Variants in SLC16A7 observed in about 807,000 individuals in gnomAD.
SLC16A7 encodes the protein monocarboxylate transporter 2.
A neutral mutation model predicts 34.9 loss-of-function variants in SLC16A7; 33 were observed. That is an observed-to-expected ratio of 0.94 (90% CI 0.72 to 1.26). The LOEUF (loss-of-function observed/expected upper bound fraction) is 1.26, where lower values mean the gene tolerates loss of function less well. Ranked by LOEUF, SLC16A7 falls within the 50% of genes most tolerant of loss-of-function variation. SLC16A7 has a pLI of 0.00. For synonymous variants in SLC16A7, 201 were observed against 206.6 expected (o/e 0.97, Z 0.23); for missense variants, 573 against 578.1 (o/e 0.99, Z 0.09).
intron 1 of SLC16A7, among the ~76,000 whole-genome samples, chr12:59,613,980 T>A (rs375800985): frequency 7.9e-5 from 12 of 152,098 alleles, no homozygotes; most frequent in African/African-American, 2.9e-4. Context: ...TGAAACAAAT[T>A]TGATATACAA....
intron 1 of SLC16A7, among the ~76,000 whole-genome samples, chr12:59,651,256 A>C (rs932041375): frequency 1.8e-4 from 27 of 152,200 alleles, no homozygotes; most frequent in Admixed American, 1.8e-3. Context: ...TATAACAAAG[A>C]AGTGAGAACA....
chr12:59,596,035 C>T lies in SLC16A7; in HGVS notation c.-331C>T, dbSNP rs1878373992. On this transcript the variant is annotated 5_prime_UTR_variant, in exon 1 of 6. Transcript: ENST00000547379. The surrounding 1 kb of genome is among the most constrained non-coding windows in gnomAD (Gnocchi z 5.0). ...GCCCCCACCCCTGGCGCGCGCTCCT[C>T]CGCACCCACAAGGGCGTTCAGCAGC... The T allele has an allele frequency of 6.6e-6, 1 of 151,330 alleles. No homozygotes were observed. The highest frequency in any genetic ancestry group is 2.4e-5 in the African/African-American group (1 of 41,150). The allele number at this position is 151,330 out of a possible 1,614,324, so 9.4% of individuals were successfully genotyped here. A position where few individuals can be genotyped will look rare whatever the true frequency, so the allele number is the denominator to read the frequency against.
chr12:59,762,821 T>C (rs138990403), intron 3 of SLC16A7, among the ~76,000 whole-genome samples: 223 of 118,542 alleles, frequency 1.9e-3, no homozygotes, highest in African/African-American at 6.0e-3. Context: ...CACATCTTTC[T>C]CAAAAAAAAA....
At chr12:59,647,550 A>G (rs1395023542) in intron 1 of SLC16A7, among the ~76,000 whole-genome samples, 2 of 152,148 alleles carry the variant, frequency 1.3e-5, no homozygotes, top group Non-Finnish European at 2.9e-5. Context: ...GCAACTTGAG[A>G]ATGTACTAAT....
intron 3 of SLC16A7, among the ~76,000 whole-genome samples, chr12:59,751,176 C>T (rs187704090): frequency 1.3e-4 from 20 of 152,184 alleles, no homozygotes; most frequent in South Asian, 6.2e-4. Flanking sequence ...TCGTGAGCGA[C>T]GCAGAAGACG....
intron 3 of SLC16A7, among the ~76,000 whole-genome samples, chr12:59,750,820 T>C (rs886927607): frequency 6.6e-6 from 1 of 152,044 alleles, no homozygotes; most frequent in Non-Finnish European, 1.5e-5. Flanking sequence ...CAAATGCCCA[T>C]CAATGATAGA....
chr12:59,677,879 T>C (rs1402470439), intron 2 of SLC16A7, among the ~76,000 whole-genome samples: 3 of 152,252 alleles, frequency 2.0e-5, no homozygotes, highest in African/African-American at 7.2e-5. Context: ...TACAGGATCC[T>C]TGGGTGTCAC....
chr12:59,701,801 A>G (rs1043559658), intron 2 of SLC16A7, among the ~76,000 whole-genome samples: 1 of 151,812 alleles, frequency 6.6e-6, no homozygotes, highest in Non-Finnish European at 1.5e-5. Context: ...TATGGGTTTA[A>G]GATTACTTAG....
intron 1 of SLC16A7, among the ~76,000 whole-genome samples, chr12:59,597,537 C>T (rs1412709684): frequency 6.6e-6 from 1 of 152,130 alleles, no homozygotes; most frequent in Non-Finnish European, 1.5e-5. Context: ...GACAGGTTAG[C>T]TTGAATGTGT....
intron 1 of SLC16A7, among the ~76,000 whole-genome samples, chr12:59,634,179 TG>T (rs1880314704): frequency 6.6e-6 from 1 of 152,066 alleles, no homozygotes; most frequent in African/African-American, 2.4e-5. Flanking sequence ...TGCCTGTAGA[TG>T]GCCTTGTAGA....
rs1592686768 is a variant in SLC16A7 at position 59,771,085 on chromosome 12, G to C, written c.218-134G>C. 4.0e-6 allele frequency: 3 copies of C among 757,474 alleles called. No homozygotes were observed. The East Asian group carries it at 8.1e-5, about 20-fold the overall frequency. 46.9% of individuals were successfully genotyped at this position (757,474 alleles called of 1,614,324 possible). ...TGAAGTATTGAAAAGTTCTCATTAT[G>C]TTTCATGTGAACTAGTATTTCTCCT... is the stretch of plus-strand genomic sequence containing the variant. On this transcript the variant is annotated intron_variant, in intron 3 of 5. Coordinates refer to ENST00000547379, the MANE Select transcript of SLC16A7 (RefSeq NM_001270623.2).
At chr12:59,706,606 T>C (rs1481776977) in intron 3 of SLC16A7, among the ~76,000 whole-genome samples, 1 of 152,132 alleles carries the variant, frequency 6.6e-6, no homozygotes, top group Non-Finnish European at 1.5e-5. Context: ...TTATAGATTG[T>C]AAGAATGTTA....
intron 2 of SLC16A7, among the ~76,000 whole-genome samples, chr12:59,690,895 G>A (rs1292906659): frequency 6.6e-6 from 1 of 151,530 alleles, no homozygotes; most frequent in African/African-American, 2.4e-5. Flanking sequence ...CTTTCCTCAA[G>A]TATGATAGAA....
At chr12:59,697,503 T>C (rs1872443144) in intron 2 of SLC16A7, among the ~76,000 whole-genome samples, 1 of 151,996 alleles carries the variant, frequency 6.6e-6, no homozygotes. Context: ...TCCGTTTTTC[T>C]GATGCTTCCA....
chr12:59,778,742 G>C (rs1467930412), intron 5 of SLC16A7, among the ~76,000 whole-genome samples: 1 of 152,042 alleles, frequency 6.6e-6, no homozygotes, highest in African/African-American at 2.4e-5. Flanking sequence ...AGCTCAAATA[G>C]TGACATGGCA....
chr12:59,743,328 T>G (rs1878542423), intron 3 of SLC16A7, among the ~76,000 whole-genome samples: 1 of 152,220 alleles, frequency 6.6e-6, no homozygotes, highest in Non-Finnish European at 1.5e-5. Flanking sequence ...AAAAGTTATA[T>G]TGACAAAAGA....
rs1272262352 is a variant in SLC16A7, at chr12:59,789,422, TG to T, written c.*9745del. On this transcript the variant is annotated 3_prime_UTR_variant, in exon 6 of 6. Coordinates refer to ENST00000547379, the MANE Select transcript of SLC16A7 (RefSeq NM_001270623.2). The stretch of plus-strand genomic sequence containing the variant: ...TGAAATATGCAACAGCTAAACTTTA[TG>T]GTACATATTAATTAGTTTTATTTTC... 4 of 152,312 alleles carry T rather than the reference TG, an allele frequency of 2.6e-5. No homozygotes were observed. Among genetic ancestry groups the T allele is most frequent in the Non-Finnish European group, 5.9e-5 (4 of 68,000 alleles). 9.4% of individuals were successfully genotyped at this position (152,312 alleles called of 1,614,324 possible).
chr12:59,681,526 C>T (rs561492277), intron 2 of SLC16A7, among the ~76,000 whole-genome samples: 1 of 151,998 alleles, frequency 6.6e-6, no homozygotes, highest in South Asian at 2.1e-4. Context: ...AATTGTGGAA[C>T]AATTGTTAGT....
At chr12:59,686,758 A>AC (rs1233197827) in intron 2 of SLC16A7, among the ~76,000 whole-genome samples, 1 of 152,048 alleles carries the variant, frequency 6.6e-6, no homozygotes, top group Admixed American at 6.6e-5. Context: ...ATTCCCGACT[A>AC]TTTTTTTAAA....
Sources: allele counts gnomAD v4.1 joint callset (sites outside exome capture counted in the v4.1 genomes callset), GRCh38; gene constraint gnomAD v4.1.1; non-coding constraint Gnocchi (gnomAD v3.1); transcripts MANE v1.5; gene names NCBI Gene and HGNC (gene_info 2026-07-23, HGNC 2026-07-21).